ANK3: variants seen among roughly 807,000 people sequenced by gnomAD.
ANK3 encodes ankyrin-3.
In ANK3, 57 loss-of-function variants were observed where a neutral mutation model predicts 370.9. The ratio of observed to expected loss-of-function variants is 0.15; its 90% CI spans 0.12 to 0.19. ANK3 has a LOEUF of 0.19. ANK3 is among the 10% of genes least tolerant of loss of function. ANK3 has a pLI of 1.00. For missense variants in ANK3, 4,439 were observed against 5,302.1 expected, an observed-to-expected ratio of 0.84 and a Z score of 5.06; for synonymous variants, 1,929 against 1,946.3, an observed-to-expected ratio of 0.99 and a Z score of 0.23.
intron 2 of ANK3, among the ~76,000 whole-genome samples, chr10:60,502,837 T>G (rs1215425536): frequency 2.7e-4 from 23 of 84,836 alleles, no homozygotes; most frequent in Admixed American, 3.8e-4. Context: ...AAAGAAGGAG[T>G]AAGAGAAAGG....
At chr10:60,461,967 G>C (rs903145012) in intron 2 of ANK3, among the ~76,000 whole-genome samples, 1 of 152,146 alleles carries the variant, frequency 6.6e-6, no homozygotes, top group African/African-American at 2.4e-5. Context: ...GCGGGTGGGG[G>C]ACCCAAGGGG....
intron 23 of ANK3, among the ~76,000 whole-genome samples, chr10:60,149,797 C>T (rs1418208340): frequency 6.6e-6 from 1 of 152,202 alleles, no homozygotes; most frequent in Non-Finnish European, 1.5e-5. Context: ...CAACCTCCGC[C>T]TCCTGGGTTC....
At chr10:60,115,883 G>A (rs2093045084) in intron 25 of ANK3, among the ~76,000 whole-genome samples, 1 of 152,066 alleles carries the variant, frequency 6.6e-6, no homozygotes, top group East Asian at 1.9e-4. Context: ...AAAGATAATG[G>A]CTATGAATGT....
chr10:60,139,112 C>T, intron 23 of ANK3, 25 bp from the exon 24 acceptor site: 1 of 1,601,682 alleles, frequency 6.2e-7, no homozygotes, highest in South Asian at 1.1e-5. Context: ...AGTAAGCCCA[C>T]ATCAAAAGCT....
At chr10:60,678,311 T>G (rs1294117478) in intron 1 of ANK3, among the ~76,000 whole-genome samples, 4 of 152,166 alleles carry the variant, frequency 2.6e-5, no homozygotes, top group African/African-American at 9.7e-5. Flanking sequence ...TGTATTGGCT[T>G]TAACATAGGA....
At chr10:60,112,055 A>AT (rs2092750803) in intron 26 of ANK3, among the ~76,000 whole-genome samples, 1 of 152,170 alleles carries the variant, frequency 6.6e-6, no homozygotes, top group South Asian at 2.1e-4. Flanking sequence ...GCACATGTCT[A>AT]TTGTCTCTCT....
chr10:60,036,527 C>T (rs2075043768), intron 43 of ANK3, among the ~76,000 whole-genome samples: 1 of 147,564 alleles, frequency 6.8e-6, no homozygotes, highest in Non-Finnish European at 1.5e-5. Context: ...GCTCCACCTC[C>T]CAGGTTCACG....
At chr10:60,410,738 C>T (rs1300090193) in intron 2 of ANK3, among the ~76,000 whole-genome samples, 3 of 150,900 alleles carry the variant, frequency 2.0e-5, no homozygotes, top group Non-Finnish European at 4.4e-5. Context: ...GCAATCATAG[C>T]TCACCGCATC....
At chr10:60,483,965 G>C (rs1381139170) in intron 2 of ANK3, among the ~76,000 whole-genome samples, 4 of 152,178 alleles carry the variant, frequency 2.6e-5, no homozygotes, top group Non-Finnish European at 5.9e-5. Flanking sequence ...AGCTAACATT[G>C]TTAGAGAACA....
intron 2 of ANK3, among the ~76,000 whole-genome samples, chr10:60,474,336 T>TAG (rs1342014496): frequency 1.3e-5 from 2 of 152,074 alleles, no homozygotes; most frequent in Non-Finnish European, 2.9e-5. Context: ...CAGGCAAACT[T>TAG]AGAGATCTTT....
intron 2 of ANK3, among the ~76,000 whole-genome samples, chr10:60,501,899 T>C (rs2075809476): frequency 6.6e-6 from 1 of 151,992 alleles, no homozygotes; most frequent in Non-Finnish European, 1.5e-5. Context: ...GGCAGGAGCA[T>C]CGCTTCAGCC....
Position 60,071,934 on chromosome 10 carries a change from A to G in ANK3, c.8947T>C (p.Ser2983Pro). 1 of 1,614,096 alleles carries G rather than the reference A, an allele frequency of 6.2e-7. No individual in the cohort carries two copies. The highest frequency in any genetic ancestry group is 8.5e-7 in the Non-Finnish European group (1 of 1,180,006). The stretch of plus-strand genomic sequence containing the variant: ...GATAGTTCATGTTTTGGAAATGCCG[A>G]CTGTTCACAAAAACCATCGGGAATA... ...SNIPDGFCEQ[S>P]AFPKHELSQK... Residue 2983 changes from serine (S) to proline (P), a missense_variant, in exon 37 of 44, where the codon TCG becomes CCG. Around this residue, in one of 13 missense-constraint regions of ANK3, gnomAD observed 1,601 missense variants for 1,731.7 expected, o/e 0.92. Coordinates refer to ENST00000280772, the MANE Select transcript of ANK3 (RefSeq NM_020987.5).
intron 1 of ANK3, among the ~76,000 whole-genome samples, chr10:60,703,932 C>A (rs1326135392): frequency 6.6e-6 from 1 of 152,158 alleles, no homozygotes; most frequent in Non-Finnish European, 1.5e-5. Flanking sequence ...TTAACACCGG[C>A]TTTTGATCTG....
chr10:60,191,231 A>C (rs1332824977), intron 16 of ANK3, among the ~76,000 whole-genome samples: 1 of 152,218 alleles, frequency 6.6e-6, no homozygotes, highest in Non-Finnish European at 1.5e-5. Flanking sequence ...AAAAATAGAC[A>C]AATGGGACTT....
At chr10:60,235,385 T>C (rs986190142) in intron 7 of ANK3, among the ~76,000 whole-genome samples, 2 of 152,198 alleles carry the variant, frequency 1.3e-5, no homozygotes, top group African/African-American at 4.8e-5. Flanking sequence ...ATTTGAAGAA[T>C]AACCAGATTG....
At chr10:60,715,777 T>C (rs1341308161) in intron 1 of ANK3, among the ~76,000 whole-genome samples, 1 of 150,528 alleles carries the variant, frequency 6.6e-6, no homozygotes, top group East Asian at 1.9e-4. Flanking sequence ...TGTTCTACGA[T>C]TTTTTTTAAT....
At chr10:60,115,265 T>G (rs1420944812) in intron 25 of ANK3, among the ~76,000 whole-genome samples, 1 of 152,232 alleles carries the variant, frequency 6.6e-6, no homozygotes, top group Non-Finnish European at 1.5e-5. Context: ...TCACCAGGGC[T>G]GCAGACCAGC....
intron 1 of ANK3, among the ~76,000 whole-genome samples, chr10:60,373,881 C>A (rs1594716530): frequency 1.3e-5 from 2 of 152,248 alleles, no homozygotes; most frequent in African/African-American, 2.4e-5. Flanking sequence ...CCCAGATGAA[C>A]CTGATGAAGC....
intron 2 of ANK3, among the ~76,000 whole-genome samples, chr10:60,503,025 T>C (rs1277258283): frequency 2.6e-5 from 4 of 152,180 alleles, no homozygotes; most frequent in Non-Finnish European, 1.5e-5. Flanking sequence ...CTCTGTAATA[T>C]GTGACCTTAT....
Sources: gnomAD v4.1 joint callset for allele counts (sites outside exome capture counted in the v4.1 genomes callset) on GRCh38, gnomAD v4.1.1 for gene constraint, gnomAD v4.1.1 regional missense constraint, MANE v1.5 for transcripts, NCBI Gene and HGNC (gene_info 2026-07-23, HGNC 2026-07-21) for gene names.